SLC24A3: variants seen among roughly 807,000 people sequenced by gnomAD.
SLC24A3 encodes sodium/potassium/calcium exchanger 3.
A neutral mutation model predicts 75.8 loss-of-function variants in SLC24A3; 28 were observed. The observed-to-expected ratio is 0.37, with a 90% confidence interval of 0.27 to 0.51. SLC24A3 has a LOEUF of 0.51. Ranked by LOEUF, SLC24A3 falls within the 20% of genes least tolerant of loss-of-function variation. The pLI, the probability that SLC24A3 is intolerant of heterozygous loss-of-function variation, is 0.94. For missense variants in SLC24A3, 663 were observed against 847.8 expected, an observed-to-expected ratio of 0.78 and a Z score of 2.71; for synonymous variants, 372 against 334.1, an observed-to-expected ratio of 1.11 and a Z score of -1.24.
intron 2 of SLC24A3, among the ~76,000 whole-genome samples, chr20:19,384,349 C>T (rs942423308): frequency 1.3e-5 from 2 of 152,196 alleles, no homozygotes; most frequent in Non-Finnish European, 2.9e-5. Context: ...TGCCTCCTAG[C>T]TCCTGGTAAC....
chr20:19,560,000 G>T (rs1441672597), intron 3 of SLC24A3, among the ~76,000 whole-genome samples: 3 of 152,064 alleles, frequency 2.0e-5, no homozygotes, highest in African/African-American at 7.2e-5. Context: ...TCAACTACTA[G>T]TGTTACATTA....
intron 2 of SLC24A3, among the ~76,000 whole-genome samples, chr20:19,282,724 C>T (rs2122226165): frequency 6.6e-6 from 1 of 152,284 alleles, no homozygotes; most frequent in Non-Finnish European, 1.5e-5. Flanking sequence ...ACATGGTGAC[C>T]AGCTCTGAGC....
chr20:19,518,319 T>C (rs903566375), intron 3 of SLC24A3, among the ~76,000 whole-genome samples: 3 of 152,170 alleles, frequency 2.0e-5, no homozygotes, highest in Non-Finnish European at 4.4e-5. Context: ...TTCTAGATGC[T>C]CAGGACATGG....
chr20:19,369,229 G>A (rs1210326926), intron 2 of SLC24A3, among the ~76,000 whole-genome samples: 3 of 152,204 alleles, frequency 2.0e-5, no homozygotes, highest in African/African-American at 7.2e-5. Flanking sequence ...CTTGCAGTTA[G>A]CGTCACCAGT....
At chr20:19,529,644 G>T (rs2030260522) in intron 3 of SLC24A3, among the ~76,000 whole-genome samples, 1 of 152,100 alleles carries the variant, frequency 6.6e-6, no homozygotes, top group South Asian at 2.1e-4. Flanking sequence ...CCTCTCCCAA[G>T]TTCATCCCCT....
Position 19,239,122 on chromosome 20 carries a change from A to T in SLC24A3, c.142+26138A>T, listed in dbSNP as rs528786414. On this transcript the variant is annotated intron_variant, in intron 1 of 16. Coordinates refer to ENST00000328041, the MANE Select transcript of SLC24A3 (RefSeq NM_020689.4). The stretch of plus-strand genomic sequence containing the variant: ...AGCTCTTTGAGAAAAGCTTATTTTA[A>T]AAAAAAAAAAAAAAAACAACACAGA... 2.0e-3 allele frequency among the ~76,000 whole-genome samples: 294 copies of T among 147,376 alleles called. 9 individuals are homozygous for T. The South Asian group carries it at 0.057, about 29-fold the overall frequency.
At chr20:19,429,287 T>C (rs555255158) in intron 2 of SLC24A3, among the ~76,000 whole-genome samples, 1 of 152,352 alleles carries the variant, frequency 6.6e-6, no homozygotes, top group Admixed American at 6.5e-5. Context: ...AGGCTGCTGA[T>C]ATTTGATCAC....
At chr20:19,250,144 CATATTTGCTGGCA>C (rs1342688359) in intron 1 of SLC24A3, among the ~76,000 whole-genome samples, 1 of 152,206 alleles carries the variant, frequency 6.6e-6, no homozygotes, top group Admixed American at 6.5e-5. Flanking sequence ...TGGGTGCTGG[CATATTTGCTGGCA>C]ATTTCCAGTG....
In SLC24A3 at chr20:19,475,338, C is replaced by CA. The variant is rs200612924; in HGVS notation, c.272-40148dup. ...TGGGCAACAGAGTGAGACTCTGTCT[C>CA]AAGAAAAAAAAAAAAATCACATCCA... On this transcript the variant is annotated intron_variant, in intron 2 of 16. Transcript: ENST00000328041. Among the ~76,000 whole-genome samples the CA allele has an allele frequency of 2.1e-3, 299 of 142,420 alleles. 4 individuals carry two copies. The East Asian group carries it at 0.043, about 20-fold the overall frequency. 93.4% of individuals were successfully genotyped at this position (142,420 alleles called of 152,430 possible).
rs768299843 is a variant in SLC24A3, at chr20:19,685,395, G to A, written c.1324+34G>A. The A allele has an allele frequency of 3.7e-6, 6 of 1,603,980 alleles. No homozygotes were observed. In the South Asian group the frequency reaches 6.7e-5, roughly 18 times the overall value. ...TTCTATGTCTGGGCTGGGGTTGGGAGCTATTTTGAGCCACTGAGTAGATGC... is the reference window on the plus strand; with the variant it reads ...TTCTATGTCTGGGCTGGGGTTGGGAACTATTTTGAGCCACTGAGTAGATGC... On this transcript the variant is annotated intron_variant, in intron 12 of 16. Coordinates refer to ENST00000328041, the MANE Select transcript of SLC24A3 (RefSeq NM_020689.4).
intron 1 of SLC24A3, among the ~76,000 whole-genome samples, chr20:19,233,849 T>G (rs1982093787): frequency 6.6e-6 from 1 of 152,228 alleles, no homozygotes. Context: ...ACTTTCTGCA[T>G]GTTCTCTTCT....
intron 2 of SLC24A3, among the ~76,000 whole-genome samples, chr20:19,505,419 AAATAGAGAGAG>A (rs1329887798): frequency 2.0e-5 from 3 of 152,234 alleles, no homozygotes; most frequent in African/African-American, 7.2e-5. Flanking sequence ...ATCTTTGTTG[AAATAGAGAGAG>A]GGAAAAGTGC....
chr20:19,438,188 C>T (rs550431485), intron 2 of SLC24A3, among the ~76,000 whole-genome samples: 1 of 152,170 alleles, frequency 6.6e-6, no homozygotes, highest in Non-Finnish European at 1.5e-5. Flanking sequence ...ATCAGGCGCT[C>T]AGCTGTGAAA....
chr20:19,638,458 A>G (rs1028520735), intron 6 of SLC24A3, among the ~76,000 whole-genome samples: 33 of 152,224 alleles, frequency 2.2e-4, no homozygotes, highest in Admixed American at 6.5e-4. Context: ...GAATATGGGA[A>G]TAAAGTCCTT....
At chr20:19,503,129 A>G (rs1988411863) in intron 2 of SLC24A3, among the ~76,000 whole-genome samples, 1 of 151,590 alleles carries the variant, frequency 6.6e-6, no homozygotes, top group African/African-American at 2.4e-5. Context: ...TCTGCCATCT[A>G]CAAGGCAGCA....
chr20:19,423,887 G>A (rs1341103175), intron 2 of SLC24A3, among the ~76,000 whole-genome samples: 1 of 152,166 alleles, frequency 6.6e-6, no homozygotes, highest in Non-Finnish European at 1.5e-5. Flanking sequence ...ATGATACGAT[G>A]GAGGTAGGCA....
At chr20:19,673,298 TACA>T (rs2032489402) in intron 8 of SLC24A3, among the ~76,000 whole-genome samples, 1 of 150,160 alleles carries the variant, frequency 6.7e-6, no homozygotes, top group Non-Finnish European at 1.5e-5. Flanking sequence ...ACCAGATGTA[TACA>T]TATTGACCTA....
At chr20:19,620,392 C>T (rs772997320) in intron 6 of SLC24A3, among the ~76,000 whole-genome samples, 1 of 152,132 alleles carries the variant, frequency 6.6e-6, no homozygotes, top group Admixed American at 6.5e-5. Context: ...TCTTTCAAAA[C>T]CAGTATATTC....
intron 15 of SLC24A3, among the ~76,000 whole-genome samples, chr20:19,706,833 A>C (rs2032935953): frequency 1.3e-5 from 2 of 152,142 alleles, no homozygotes; most frequent in Non-Finnish European, 2.9e-5. Flanking sequence ...TGCAGGAGAG[A>C]GAGAATAGGG....
Sources: allele counts gnomAD v4.1 joint callset (sites outside exome capture counted in the v4.1 genomes callset), GRCh38; gene constraint gnomAD v4.1.1; transcripts MANE v1.5; gene names NCBI Gene and HGNC (gene_info 2026-07-23, HGNC 2026-07-21).